Variants in MVK observed in about 807,000 individuals in gnomAD.
MVK encodes the protein mevalonate kinase, also known as LH receptor mRNA-binding protein.
Under a neutral mutation model 43.2 loss-of-function variants are expected in MVK, and 34 were observed. The ratio of observed to expected loss-of-function variants is 0.79; its 90% CI spans 0.60 to 1.05. The LOEUF is 1.05. MVK is among the 50% of genes least tolerant of loss of function. MVK has a pLI of 0.00. For synonymous variants in MVK, 190 were observed against 219.8 expected (o/e 0.86, Z 1.20); for missense variants, 395 against 504.0 (o/e 0.78, Z 2.07).
chr12:109,586,238 G>A, intron 6 of MVK, 113 bp downstream of exon 6: 1 of 893,164 alleles, frequency 1.1e-6, no homozygotes, highest in South Asian at 1.4e-5. Context: ...ATGGATTCTG[G>A]AAAAAATAGC....
intron 7 of MVK, 140 bp from the exon 8 acceptor site, chr12:109,590,631 G>T (rs1885624388): frequency 2.7e-6 from 2 of 752,022 alleles, no homozygotes; most frequent in South Asian, 2.9e-5. Context: ...GAAGCCCCAT[G>T]CTCCCCCAAT....
intron 3 of MVK, 96 bp from the exon 4 acceptor site, chr12:109,579,706 A>T: frequency 6.6e-7 from 1 of 1,526,400 alleles, no homozygotes; most frequent in Non-Finnish European, 9.1e-7. Flanking sequence ...TCCATGTTCC[A>T]ATTCCAGTGA....
intron 8 of MVK, among the ~76,000 whole-genome samples, 187 bp from the exon 9 acceptor site, chr12:109,591,054 G>A (rs1885652757): frequency 6.6e-6 from 1 of 152,276 alleles, no homozygotes; most frequent in East Asian, 1.9e-4. Context: ...GACAGTGGTC[G>A]GGCTCGTTAG....
chr12:109,577,498 T>A (rs1885008656), intron 3 of MVK, among the ~76,000 whole-genome samples: 1 of 152,212 alleles, frequency 6.6e-6, no homozygotes, highest in Non-Finnish European at 1.5e-5. Flanking sequence ...CTTGTTGAGA[T>A]GGGGTCTCAC....
intron 2 of MVK, among the ~76,000 whole-genome samples, chr12:109,575,514 A>G (rs1427734610): frequency 6.6e-6 from 1 of 151,234 alleles, no homozygotes; most frequent in Non-Finnish European, 1.5e-5. Flanking sequence ...TCAGCCTCCC[A>G]AGTAGCTGGG....
chr12:109,589,806 C>G (rs944766559), intron 7 of MVK: 1 of 152,304 alleles, frequency 6.6e-6, no homozygotes, highest in Non-Finnish European at 1.5e-5. Flanking sequence ...CCATCCCAGC[C>G]TGCAGCCCTC....
chr12:109,594,884 G>T (rs988013006), intron 9 of MVK, 144 bp from the exon 10 acceptor site: 1 of 912,662 alleles, frequency 1.1e-6, no homozygotes, highest in Non-Finnish European at 1.7e-6. Flanking sequence ...TTTTACAAGT[G>T]GAGAGGGCCA....
intron 5 of MVK, 55 bp downstream of exon 5, chr12:109,581,605 T>C: frequency 6.2e-7 from 1 of 1,612,382 alleles, no homozygotes; most frequent in Non-Finnish European, 8.5e-7. Context: ...GACAGGGACG[T>C]GGCTTCTCTC....
At chr12:109,576,195 CAGCTGGCCAGGT>C (rs760587742) in intron 3 of MVK, 50 bp downstream of exon 3, 1 of 1,611,024 alleles carries the variant, frequency 6.2e-7, no homozygotes, top group East Asian at 2.2e-5. Flanking sequence ...ACAGAGAGGG[CAGCTGGCCAGGT>C]ATTCTGGGCT....
chr12:109,590,898 G>A (rs1170456005), intron 8 of MVK, 37 bp downstream of exon 8: 2 of 1,596,520 alleles, frequency 1.3e-6, no homozygotes, highest in East Asian at 2.2e-5. Context: ...GTTTCAGGAA[G>A]GCCAGGACAC....
intron 9 of MVK, among the ~76,000 whole-genome samples, chr12:109,592,377 A>T (rs1408600930): frequency 6.6e-6 from 1 of 152,182 alleles, no homozygotes; most frequent in Non-Finnish European, 1.5e-5. Context: ...TTGCAGAATG[A>T]GAGGATCGGG....
chr12:109,574,691 T>C lies in MVK; in HGVS notation c.-14-118T>C, dbSNP rs922336823. On this transcript the variant is annotated intron_variant, in intron 1 of 10. Transcript: ENST00000228510. ...TGCCTTTCTGGTACGTAGCAAGTGC[T>C]GGACGGTAACTACCTTTTTTGTTAT... 8.0e-6 allele frequency: 7 copies of C among 870,120 alleles called. No individual in the cohort carries two copies. In the Admixed American group the frequency reaches 1.4e-4, roughly 17 times the overall value. 53.9% of individuals were successfully genotyped at this position (870,120 alleles called of 1,614,324 possible). A position where few individuals can be genotyped will look rare whatever the true frequency, so the allele number is the denominator to read the frequency against.
intron 2 of MVK, among the ~76,000 whole-genome samples, chr12:109,575,105 T>G (rs1884880424): frequency 6.6e-6 from 1 of 152,108 alleles, no homozygotes. Flanking sequence ...AAGATGATTA[T>G]AATATAAAGC....
chr12:109,573,581 T>A, upstream of MVK: 1 of 1,411,570 alleles, frequency 7.1e-7, no homozygotes, highest in Non-Finnish European at 9.7e-7. Context: ...GGTTTCAATT[T>A]TTATTGGTTC....
At chr12:109,586,267 G>C in intron 6 of MVK, 142 bp downstream of exon 6, 1 of 758,236 alleles carries the variant, frequency 1.3e-6, no homozygotes, top group East Asian at 2.7e-5. Flanking sequence ...ATTTTGGGGG[G>C]AATGGGGAGA....
Position 109,596,430 on chromosome 12 carries a change from G to A in MVK, c.1044G>A (p.Leu348=). 1.9e-6 allele frequency: 3 copies of A among 1,613,372 alleles called. No homozygotes were observed. The highest frequency in any genetic ancestry group is 1.7e-6 in the Non-Finnish European group (2 of 1,179,896). The change falls in exon 11 of 11, where the codon CTG becomes CTA. Residue 348 remains leucine, a synonymous_variant. Coordinates refer to ENST00000228510, the MANE Select transcript of MVK (RefSeq NM_000431.4). ...ACCTGCCTTCCCTCCCCGCAGGGCTGGAGCAGCCAGAAGTGGAGGCCACGA... is the reference window on the plus strand; with the variant it reads ...ACCTGCCTTCCCTCCCCGCAGGGCTAGAGCAGCCAGAAGTGGAGGCCACGA... ...GCGITLLKPG[L]EQPEVEATKQ...
At chr12:109,577,893 C>T (rs1445222705) in intron 3 of MVK, among the ~76,000 whole-genome samples, 1 of 152,160 alleles carries the variant, frequency 6.6e-6, no homozygotes, top group Non-Finnish European at 1.5e-5. Flanking sequence ...CCAAGGTGCA[C>T]AGGGCCACCC....
chr12:109,594,986 T>C, intron 9 of MVK, 42 bp from the exon 10 acceptor site: 1 of 1,613,438 alleles, frequency 6.2e-7, no homozygotes, highest in Non-Finnish European at 8.5e-7. Flanking sequence ...GACCTTGGCC[T>C]CAGGCAGGCC....
intron 7 of MVK, 170 bp from the exon 8 acceptor site, chr12:109,590,601 C>A: frequency 1.5e-6 from 1 of 676,224 alleles, no homozygotes; most frequent in East Asian, 2.7e-5. Context: ...GGGATGGAGG[C>A]GCAGCTGTGG....
Sources: allele counts gnomAD v4.1 joint callset (sites outside exome capture counted in the v4.1 genomes callset), GRCh38; gene constraint gnomAD v4.1.1; transcripts MANE v1.5; gene names NCBI Gene and HGNC (gene_info 2026-07-23, HGNC 2026-07-21).